Variants in CSRNP3 observed in about 807,000 individuals in gnomAD.
CSRNP3 encodes the protein cysteine/serine-rich nuclear protein 3.
CSRNP3 carries 12 observed loss-of-function variants against 48.0 expected under a neutral mutation model. The ratio of observed to expected loss-of-function variants is 0.25; its 90% CI spans 0.16 to 0.41. CSRNP3 has a LOEUF of 0.41. CSRNP3 is among the 10% of genes least tolerant of loss of function. The pLI is 1.00. For synonymous variants in CSRNP3, 263 were observed against 269.7 expected (o/e 0.98, Z 0.24); for missense variants, 580 against 724.4 (o/e 0.80, Z 2.29).
At chr2:165,510,062 T>A (rs1684481272) in intron 2 of CSRNP3, among the ~76,000 whole-genome samples, 1 of 152,214 alleles carries the variant, frequency 6.6e-6, no homozygotes, top group Non-Finnish European at 1.5e-5. Flanking sequence ...TATTGAATCA[T>A]ATCGGGGATA....
rs538166066 is a variant in CSRNP3, at chr2:165,649,595, C to T, written c.149-8166C>T. Among the ~76,000 whole-genome samples, 3 of 152,264 alleles carry T rather than the reference C, an allele frequency of 2.0e-5. No homozygotes were observed. The South Asian group carries it at 6.2e-4, about 32-fold the overall frequency. Reference sequence around the variant, plus strand: ...GTGGTATTTAAGGACTGAGGAGAGACATGCACTACAATTTTAATAGCACTT... The same window carrying T: ...GTGGTATTTAAGGACTGAGGAGAGATATGCACTACAATTTTAATAGCACTT... On this transcript the variant is annotated intron_variant, in intron 4 of 6. Transcript: ENST00000651982.
intron 6 of CSRNP3, 21 bp downstream of exon 6, chr2:165,676,629 G>C: frequency 6.2e-7 from 1 of 1,604,826 alleles, no homozygotes; most frequent in Non-Finnish European, 8.5e-7. Context: ...GGAATTCAGG[G>C]CATCCAAAGA....
intron 3 of CSRNP3, among the ~76,000 whole-genome samples, chr2:165,526,529 A>G (rs1684733927): frequency 6.6e-6 from 1 of 152,210 alleles, no homozygotes. Context: ...ATAATTAGGA[A>G]TCAAAAACAT....
chr2:165,499,319 G>C (rs1253216537), intron 2 of CSRNP3, among the ~76,000 whole-genome samples: 1 of 152,164 alleles, frequency 6.6e-6, no homozygotes. Flanking sequence ...TCACTTTGCA[G>C]ATCAGGCAGT....
intron 3 of CSRNP3, among the ~76,000 whole-genome samples, chr2:165,552,405 A>G (rs1685109045): frequency 6.6e-6 from 1 of 152,226 alleles, no homozygotes; most frequent in Admixed American, 6.5e-5. Flanking sequence ...GACAATCAGT[A>G]TAGGGTGAGA....
At chr2:165,581,888 C>G (rs948938705) in intron 3 of CSRNP3, among the ~76,000 whole-genome samples, 24 of 152,274 alleles carry the variant, frequency 1.6e-4, no homozygotes, top group African/African-American at 5.3e-4. Flanking sequence ...AATCTTCCTA[C>G]TTAAAATTAT....
chr2:165,486,143 G>A (rs1310582942), intron 1 of CSRNP3, among the ~76,000 whole-genome samples: 1 of 152,214 alleles, frequency 6.6e-6, no homozygotes, highest in African/African-American at 2.4e-5. Flanking sequence ...GAAGCGCAAG[G>A]GGTCAGAGAG....
At chr2:165,574,162 T>C in intron 3 of CSRNP3, 1 of 498,302 alleles carries the variant, frequency 2.0e-6, no homozygotes, top group South Asian at 3.4e-5. Flanking sequence ...CCACAATTCC[T>C]TACCCAGCAT....
At chr2:165,559,377 A>G (rs1685201256) in intron 3 of CSRNP3, among the ~76,000 whole-genome samples, 1 of 152,186 alleles carries the variant, frequency 6.6e-6, no homozygotes, top group Non-Finnish European at 1.5e-5. Context: ...CTCCTCATAG[A>G]TAAAGGCTAA....
At chr2:165,483,523 G>A (rs1449488803) in intron 1 of CSRNP3, among the ~76,000 whole-genome samples, 2 of 152,130 alleles carry the variant, frequency 1.3e-5, no homozygotes, top group Admixed American at 1.3e-4. Context: ...CTCTAGGTTT[G>A]TATAAAATTA....
At chr2:165,489,479 G>T (rs1402448798) in intron 1 of CSRNP3, among the ~76,000 whole-genome samples, 285 of 109,376 alleles carry the variant, frequency 2.6e-3, no homozygotes, top group Admixed American at 4.1e-3. Context: ...CCAAAGCCGG[G>T]CAGAGACACA....
intron 3 of CSRNP3, among the ~76,000 whole-genome samples, chr2:165,539,499 G>C (rs1273785683): frequency 6.6e-6 from 1 of 151,850 alleles, no homozygotes; most frequent in Non-Finnish European, 1.5e-5. Flanking sequence ...AAACATTTTT[G>C]CATAGCTCCT....
rs552887047 is a variant in CSRNP3, at chr2:165,658,029, C to T, written c.408+9C>T. 19 of 1,603,096 alleles carry T rather than the reference C, an allele frequency of 1.2e-5. No individual in the cohort carries two copies. In the South Asian group the frequency reaches 2.0e-4, roughly 17 times the overall value. ...ACTCCTTAAAACTAAAGGTAAAAAA[C>T]AAACTCATTTTCTGCAAAGTCTCAT... On this transcript the variant is annotated intron_variant, in intron 5 of 6. Transcript: ENST00000651982.
chr2:165,615,007 G>A (rs35374947), intron 4 of CSRNP3, among the ~76,000 whole-genome samples: 9,968 of 152,174 alleles, frequency 0.066, 375 homozygotes, highest in Middle Eastern at 0.092. Flanking sequence ...AATATTCCAT[G>A]TGCTGATGAA....
chr2:165,568,421 C>T (rs1685324917), intron 3 of CSRNP3, among the ~76,000 whole-genome samples: 2 of 152,242 alleles, frequency 1.3e-5, no homozygotes, highest in Admixed American at 1.3e-4. Flanking sequence ...CAAAGTCCCT[C>T]TTATTATAGT....
intron 1 of CSRNP3, among the ~76,000 whole-genome samples, chr2:165,475,711 T>C (rs1297436561): frequency 6.6e-6 from 1 of 152,212 alleles, no homozygotes; most frequent in East Asian, 1.9e-4. Context: ...AGACACTCCT[T>C]ACATTCTAAG....
chr2:165,524,144 A>T (rs1455674803), intron 3 of CSRNP3, among the ~76,000 whole-genome samples: 1 of 152,196 alleles, frequency 6.6e-6, no homozygotes, highest in African/African-American at 2.4e-5. Flanking sequence ...TCAATGAAGA[A>T]GCTCTCCAAG....
chr2:165,532,712 T>C (rs1338951835), intron 3 of CSRNP3, among the ~76,000 whole-genome samples: 1 of 152,092 alleles, frequency 6.6e-6, no homozygotes. Context: ...CTGGCCAGGG[T>C]GATCAGGCAG....
intron 3 of CSRNP3, among the ~76,000 whole-genome samples, chr2:165,519,732 C>T (rs1684627034): frequency 6.6e-6 from 1 of 151,958 alleles, no homozygotes; most frequent in East Asian, 1.9e-4. Flanking sequence ...TAAAATAAAC[C>T]ATTCTTGCCT....
Sources: gnomAD v4.1 joint callset for allele counts (sites outside exome capture counted in the v4.1 genomes callset) on GRCh38, gnomAD v4.1.1 for gene constraint, MANE v1.5 for transcripts, NCBI Gene and HGNC (gene_info 2026-07-23, HGNC 2026-07-21) for gene names.